Variants in COL15A1 observed in about 807,000 individuals in gnomAD.
The protein encoded by COL15A1 is collagen alpha-1(XV) chain.
COL15A1 carries 111 observed loss-of-function variants against 165.9 expected under a neutral mutation model. The ratio of observed to expected loss-of-function variants is 0.67; its 90% confidence interval spans 0.57 to 0.78. COL15A1 has a LOEUF of 0.78. COL15A1 is among the 30% of genes least tolerant of loss of function. COL15A1 has a pLI of 0.00. For missense variants in COL15A1, 1,745 were observed against 1,789.7 expected (o/e 0.98, Z 0.45); for synonymous variants, 659 against 674.8 (o/e 0.98, Z 0.36).
chr9:99,033,148 C>A (rs999896090), intron 16 of COL15A1, among the ~76,000 whole-genome samples: 3 of 152,154 alleles, frequency 2.0e-5, no homozygotes, highest in Non-Finnish European at 4.4e-5. Context: ...TCTGTTGGTG[C>A]AGACTGTTGG....
intron 16 of COL15A1, among the ~76,000 whole-genome samples, chr9:99,027,154 A>G (rs1839139871): frequency 6.6e-6 from 1 of 152,168 alleles, no homozygotes; most frequent in African/African-American, 2.4e-5. Flanking sequence ...ATGTCTGTCA[A>G]AGGAAGGCAA....
intron 26 of COL15A1, among the ~76,000 whole-genome samples, chr9:99,047,511 A>T (rs939685534): frequency 6.6e-6 from 1 of 152,044 alleles, no homozygotes; most frequent in Admixed American, 6.5e-5. Context: ...TCCTTAGTTA[A>T]CCCTGACTGC....
At chr9:98,996,796 C>T (rs1205957830) in intron 5 of COL15A1, 138 bp from the exon 6 acceptor site, 11 of 1,302,700 alleles carry the variant, frequency 8.4e-6, no homozygotes, top group Non-Finnish European at 1.2e-5. Context: ...CCCAGGTAGA[C>T]ACCAAGTGGG....
At chr9:98,968,936 C>G (rs933657163) in intron 2 of COL15A1, among the ~76,000 whole-genome samples, 2 of 152,166 alleles carry the variant, frequency 1.3e-5, no homozygotes, top group Non-Finnish European at 2.9e-5. Context: ...TATGTTATAG[C>G]ATTTCAGCAT....
chr9:98,990,850 GA>G (rs1838408740), intron 5 of COL15A1, among the ~76,000 whole-genome samples: 3 of 152,330 alleles, frequency 2.0e-5, no homozygotes, highest in African/African-American at 7.2e-5. Flanking sequence ...CTTCAAGAAT[GA>G]AACCACGGAC....
At chr9:99,019,734 C>A (rs955295718) in intron 11 of COL15A1, among the ~76,000 whole-genome samples, 1 of 152,010 alleles carries the variant, frequency 6.6e-6, no homozygotes, top group Non-Finnish European at 1.5e-5. Flanking sequence ...AATCTTAGAA[C>A]CTACCTCTTG....
intron 2 of COL15A1, among the ~76,000 whole-genome samples, chr9:98,959,474 A>G (rs1045532933): frequency 1.3e-5 from 2 of 152,112 alleles, no homozygotes; most frequent in Non-Finnish European, 2.9e-5. Flanking sequence ...GAGCACAGAC[A>G]TAAACTGAGC....
chr9:99,064,212 C>T (rs1025581345), intron 39 of COL15A1, among the ~76,000 whole-genome samples: 2 of 152,092 alleles, frequency 1.3e-5, no homozygotes, highest in Non-Finnish European at 2.9e-5. Flanking sequence ...AGCTGCTGAC[C>T]CCAGTACTAC....
chr9:99,028,091 G>T (rs369591730), intron 16 of COL15A1, among the ~76,000 whole-genome samples: 39 of 152,206 alleles, frequency 2.6e-4, no homozygotes, highest in African/African-American at 8.9e-4. Flanking sequence ...CCGTTGGATA[G>T]ATCCACTTAT....
chr9:98,944,618 G>GT (rs1347428898), intron 2 of COL15A1, among the ~76,000 whole-genome samples: 1 of 152,278 alleles, frequency 6.6e-6, no homozygotes, highest in African/African-American at 2.4e-5. Flanking sequence ...CTGGCTTCTG[G>GT]TAAGGGCAGG....
At position 98,978,222 on chromosome 9, in the gene COL15A1, G is replaced by T. The variant is rs117210904; in HGVS notation, c.101-7343G>T. On this transcript the variant is annotated intron_variant, in intron 2 of 41. Coordinates refer to ENST00000375001, the MANE Select transcript of COL15A1 (RefSeq NM_001855.5). ...CCTAGGCATAAGAATTCCCAGAATT[G>T]CCACATGCAAGCCTGGATCTACTGG... Among the ~76,000 whole-genome samples, 1,279 of 152,302 alleles carry T rather than the reference G, an allele frequency of 8.4e-3. 9 individuals carry two copies. Among genetic ancestry groups the T allele is most frequent in the Non-Finnish European group, 0.015 (990 of 68,020 alleles).
Position 99,062,082 on chromosome 9 carries a change from G to A in COL15A1, c.3514G>A (p.Gly1172Ser). The change falls in exon 37 of 42, where the codon GGC becomes AGC. Residue 1172 changes from glycine (G) to serine (S), a missense_variant. Transcript: ENST00000375001. The stretch of plus-strand genomic sequence containing the variant: ...TGAGTTTTTCATTCGTGTTAGAGAT[G>A]GCTGGAAAAAATTACAGGTAATTTC... The part of the protein sequence containing the change: ...STEFFIRVRD[G>S]WKKLQLGELI... 1.2e-6 allele frequency: 2 copies of A among 1,613,778 alleles called. No individual in the cohort carries two copies. The highest frequency in any genetic ancestry group is 1.7e-5 in the Admixed American group (1 of 59,948).
At chr9:98,969,116 A>C (rs915984294) in intron 2 of COL15A1, among the ~76,000 whole-genome samples, 15 of 152,296 alleles carry the variant, frequency 9.8e-5, no homozygotes, top group Middle Eastern at 3.4e-3. Flanking sequence ...CATGAGAAAG[A>C]TTGTATCACC....
chr9:99,005,103 A>G (rs41305481), intron 9 of COL15A1, 53 bp downstream of exon 9: 519,586 of 1,511,376 alleles, frequency 0.34, 96,743 homozygotes, highest in East Asian at 0.73. Context: ...GCAGCTCCTG[A>G]CCTTCTCAGA....
chr9:99,054,370 T>C (rs980247570), intron 31 of COL15A1, among the ~76,000 whole-genome samples: 1 of 152,202 alleles, frequency 6.6e-6, no homozygotes, highest in African/African-American at 2.4e-5. Context: ...TGTCTCCCAG[T>C]AGACTGAGCT....
rs148586804 is a variant in COL15A1 at position 98,957,663 on chromosome 9, T to TTC, written c.100+13431_100+13432dup. Among the ~76,000 whole-genome samples the TTC allele has an allele frequency of 1.2e-3, 175 of 150,040 alleles. 1 individual carries two copies. Among genetic ancestry groups the TTC allele is most frequent in the African/African-American group, 3.7e-3 (153 of 41,000 alleles). The stretch of plus-strand genomic sequence containing the variant: ...TCTGAAAAAACCAGACTAGGGTTAT[T>TTC]TCTCTCTCTCTCTCTCTCTTTGTGT... On this transcript the variant is annotated intron_variant, in intron 2 of 41. Transcript: ENST00000375001.
intron 16 of COL15A1, among the ~76,000 whole-genome samples, chr9:99,030,325 A>G (rs184819270): frequency 2.6e-5 from 4 of 152,334 alleles, no homozygotes; most frequent in Middle Eastern, 3.4e-3. Context: ...GCATGCCCTC[A>G]CTGCACAAAA....
chr9:98,944,245 C>T lies in COL15A1; in HGVS notation c.95C>T (p.Ala32Val). ...CCTGCTGTCACCCAGACCCGCGGTG[C>T]GACAGGTAAGCAACCCGGTCGGAGG... ...PLPAVTQTRGATETASQGHLD... is the reference protein window; with the variant it reads ...PLPAVTQTRGVTETASQGHLD... The change falls in exon 2 of 42, where the codon GCG becomes GTG. Residue 32 changes from alanine (A) to valine (V), a missense_variant. Ala to Val is a moderately conservative substitution (Grantham distance 64). Transcript: ENST00000375001. 6.2e-7 allele frequency: 1 copy of T among 1,613,762 alleles called. No individual in the cohort carries two copies. Among genetic ancestry groups the T allele is most frequent in the Non-Finnish European group, 8.5e-7 (1 of 1,179,870 alleles).
intron 35 of COL15A1, among the ~76,000 whole-genome samples, chr9:99,057,777 G>C (rs1003678131): frequency 1.3e-5 from 2 of 152,090 alleles, no homozygotes; most frequent in Non-Finnish European, 2.9e-5. Context: ...CTTTTTTGTT[G>C]TTTGGCTTGG....
Sources: gnomAD v4.1 joint callset for allele counts (sites outside exome capture counted in the v4.1 genomes callset) on GRCh38, gnomAD v4.1.1 for gene constraint, MANE v1.5 for transcripts, NCBI Gene and HGNC (gene_info 2026-07-23, HGNC 2026-07-21) for gene names.